The following HYCC1 variants were observed in gnomAD, a reference collection of about 807,000 sequenced individuals.
HYCC1 encodes the protein hyccin.
chr7:22,964,040 T>G, the HYCC1 span, among the ~76,000 whole-genome samples: 4 of 151,868 alleles, frequency 2.6e-5, no homozygotes, highest in Admixed American at 6.6e-5. Flanking sequence ...GAAATTTTTT[T>G]AAGAGCTAAA....
chr7:22,997,937 G>A, the HYCC1 span, among the ~76,000 whole-genome samples: 3 of 152,288 alleles, frequency 2.0e-5, no homozygotes, highest in African/African-American at 4.8e-5. Context: ...TGGGATATCA[G>A]TGTGCTGTGG....
the HYCC1 span, among the ~76,000 whole-genome samples, chr7:22,968,382 T>C: frequency 6.6e-6 from 1 of 152,150 alleles, no homozygotes; most frequent in African/African-American, 2.4e-5. Context: ...ACAAGGGCAA[T>C]ACCATAGGAA....
chr7:22,958,960 C>T, the HYCC1 span, among the ~76,000 whole-genome samples: 1 of 152,108 alleles, frequency 6.6e-6, no homozygotes, highest in Non-Finnish European at 1.5e-5. Flanking sequence ...TGCCTCCGTG[C>T]CTGTTCTCAC....
the HYCC1 span, among the ~76,000 whole-genome samples, chr7:22,962,481 T>C: frequency 6.6e-6 from 1 of 151,318 alleles, no homozygotes; most frequent in East Asian, 1.9e-4. Flanking sequence ...GATGCCTTTA[T>C]CACACAGAAC....
the HYCC1 span, chr7:22,991,273 C>T: frequency 1.7e-6 from 1 of 589,158 alleles, no homozygotes; most frequent in East Asian, 3.0e-5. Flanking sequence ...TTACTAAATT[C>T]ATTTCAAAAC....
the HYCC1 span, among the ~76,000 whole-genome samples, chr7:22,975,963 T>A: frequency 6.6e-6 from 1 of 152,184 alleles, no homozygotes; most frequent in Admixed American, 6.5e-5. Context: ...CACGCAATAC[T>A]CCCACCTCAG....
the HYCC1 span, chr7:22,976,739 A>G: frequency 6.2e-7 from 1 of 1,613,754 alleles, no homozygotes; most frequent in South Asian, 1.1e-5. Context: ...GGTCCACTGT[A>G]TACCACTTTT....
At chr7:22,979,302 T>G in the HYCC1 span, among the ~76,000 whole-genome samples, 1 of 152,232 alleles carries the variant, frequency 6.6e-6, no homozygotes, top group Non-Finnish European at 1.5e-5. Flanking sequence ...TATACTTCAA[T>G]AAACACTAAG....
chr7:23,007,156 T>A, the HYCC1 span, among the ~76,000 whole-genome samples: 1 of 152,122 alleles, frequency 6.6e-6, no homozygotes, highest in African/African-American at 2.4e-5. Context: ...TATAACAGGG[T>A]TACCAAAAAT....
chr7:22,907,922 A>G, the HYCC1 span, among the ~76,000 whole-genome samples: 1,854 of 152,262 alleles, frequency 0.012, 34 homozygotes, highest in African/African-American at 0.041. Flanking sequence ...AAAAATAAAT[A>G]AATAAATATG....
the HYCC1 span, among the ~76,000 whole-genome samples, chr7:22,918,327 G>A: frequency 6.6e-6 from 1 of 152,060 alleles, no homozygotes; most frequent in Non-Finnish European, 1.5e-5. Context: ...CATGCTGTAT[G>A]ACAAATGCTA....
the HYCC1 span, among the ~76,000 whole-genome samples, chr7:22,921,679 T>A: frequency 6.6e-6 from 1 of 152,176 alleles, no homozygotes; most frequent in East Asian, 1.9e-4. Context: ...ATAGTGAGGA[T>A]TATGGGTAAA....
At chr7:23,014,123 G>A in the HYCC1 span, 2 of 468,468 alleles carry the variant, frequency 4.3e-6, no homozygotes, top group South Asian at 3.1e-5. Flanking sequence ...ACTGCCGCCA[G>A]CCTCTCTGAC....
the HYCC1 span, among the ~76,000 whole-genome samples, chr7:22,927,638 G>T: frequency 1.3e-5 from 2 of 152,186 alleles, no homozygotes; most frequent in South Asian, 4.1e-4. Flanking sequence ...AAACCAGGAA[G>T]AAGTTGAATT....
At chr7:22,979,506 G>A in the HYCC1 span, among the ~76,000 whole-genome samples, 6,071 of 152,246 alleles carry the variant, frequency 0.04, 132 homozygotes, top group South Asian at 0.097. Flanking sequence ...AGTTTTTAGC[G>A]TAGGAATTTG....
chr7:22,907,698 T>C, the HYCC1 span, among the ~76,000 whole-genome samples: 1 of 152,036 alleles, frequency 6.6e-6, no homozygotes, highest in Non-Finnish European at 1.5e-5. Context: ...TCACTTGATG[T>C]CAGGAGTTTG....
chr7:23,005,982 C>A, the HYCC1 span, among the ~76,000 whole-genome samples: 3 of 152,134 alleles, frequency 2.0e-5, no homozygotes, highest in Admixed American at 2.0e-4. Flanking sequence ...CTAATGTGTA[C>A]ACTGCTGCGG....
At chr7:22,918,084 T>C in the HYCC1 span, among the ~76,000 whole-genome samples, 1 of 152,120 alleles carries the variant, frequency 6.6e-6, no homozygotes, top group African/African-American at 2.4e-5. Flanking sequence ...TGTTTTTACC[T>C]AAAATCAATC....
At chr7:22,928,956 G>A in the HYCC1 span, among the ~76,000 whole-genome samples, 1 of 152,190 alleles carries the variant, frequency 6.6e-6, no homozygotes, top group Non-Finnish European at 1.5e-5. Context: ...CAAGGCTACA[G>A]TAACCAAAAC....
Sources: gnomAD v4.1 joint callset for allele counts (sites outside exome capture counted in the v4.1 genomes callset) on GRCh38, gnomAD v4.1.1 for gene constraint, MANE v1.5 for transcripts, NCBI Gene and HGNC (gene_info 2026-07-23, HGNC 2026-07-21) for gene names.